The following EEA1 variants were observed in gnomAD, a reference collection of about 807,000 sequenced individuals.
The protein encoded by EEA1 is early endosome antigen 1.
Under a neutral mutation model 209.2 loss-of-function variants are expected in EEA1, and 111 were observed. The observed-to-expected ratio is 0.53, with a 90% CI of 0.45 to 0.62. EEA1 has a LOEUF of 0.62. EEA1 is among the 20% of genes least tolerant of loss of function. The pLI, the probability that EEA1 is intolerant of heterozygous loss-of-function variation, is 0.00. For missense variants in EEA1, 1,343 were observed against 1,530.8 expected (o/e 0.88, Z 2.05); for synonymous variants, 536 against 540.6 (o/e 0.99, Z 0.12).
chr12:92,819,894 A>C (rs898626450), intron 13 of EEA1, among the ~76,000 whole-genome samples: 5 of 152,074 alleles, frequency 3.3e-5, no homozygotes, highest in Non-Finnish European at 5.9e-5. Flanking sequence ...CTCTTCCCCC[A>C]CAGAGTCATA....
At chr12:92,820,010 G>A (rs1479742484) in intron 13 of EEA1, among the ~76,000 whole-genome samples, 5 of 151,922 alleles carry the variant, frequency 3.3e-5, no homozygotes, top group African/African-American at 9.7e-5. Context: ...TCCCTATCTT[G>A]GTTATCATTT....
At chr12:92,832,124 T>C (rs1039147461) in intron 11 of EEA1, among the ~76,000 whole-genome samples, 5 of 151,788 alleles carry the variant, frequency 3.3e-5, no homozygotes, top group Non-Finnish European at 7.4e-5. Context: ...ATCCAATTTG[T>C]ATGCTATTTG....
At chr12:92,816,770 T>C (rs1048310944) in intron 14 of EEA1, among the ~76,000 whole-genome samples, 1 of 152,186 alleles carries the variant, frequency 6.6e-6, no homozygotes, top group Admixed American at 6.5e-5. Flanking sequence ...TCTGCAGTCA[T>C]TCCTCCCATC....
chr12:92,806,942 A>ATTTTTTTTT (rs34717047), intron 18 of EEA1, among the ~76,000 whole-genome samples: 2 of 147,394 alleles, frequency 1.4e-5, no homozygotes, highest in African/African-American at 5.0e-5. Flanking sequence ...TTTTTTAATA[A>ATTTTTTTTT]TTTTTTTTTT....
chr12:92,880,050 T>C (rs1879069684), intron 2 of EEA1, among the ~76,000 whole-genome samples: 1 of 152,252 alleles, frequency 6.6e-6, no homozygotes, highest in African/African-American at 2.4e-5. Context: ...GTTCATTTTG[T>C]TCCCAAATGT....
intron 2 of EEA1, among the ~76,000 whole-genome samples, chr12:92,869,846 G>C (rs1878561728): frequency 6.9e-6 from 1 of 144,492 alleles, no homozygotes; most frequent in African/African-American, 2.6e-5. Context: ...ATTTTGGCTA[G>C]TCCATCAAGA....
chr12:92,884,048 G>A, intron 2 of EEA1: 1 of 1,374,608 alleles, frequency 7.3e-7, no homozygotes, highest in East Asian at 2.3e-5. Context: ...GCTGTCTCAA[G>A]AGAAGATTCT....
rs370129358 is a variant in EEA1, at chr12:92,855,387, G to A, written c.367-1433C>T. Among the ~76,000 whole-genome samples, 13 of 149,886 alleles carry A rather than the reference G, an allele frequency of 8.7e-5. No individual in the cohort carries two copies. The East Asian group carries it at 1.0e-3, about 12-fold the overall frequency. ...GGAGCTTGCAGTGAGCCGAGATCGCGCGCCACTGCACTCCAGCCTGGGTGA... is the reference window on the plus strand; with the variant it reads ...GGAGCTTGCAGTGAGCCGAGATCGCACGCCACTGCACTCCAGCCTGGGTGA... On this transcript the variant is annotated intron_variant, in intron 5 of 28. Coordinates refer to ENST00000322349, the MANE Select transcript of EEA1 (RefSeq NM_003566.4).
chr12:92,872,047 ATTTTTT>A (rs56671465), intron 2 of EEA1, among the ~76,000 whole-genome samples: 3 of 132,592 alleles, frequency 2.3e-5, no homozygotes, highest in Non-Finnish European at 3.2e-5. Flanking sequence ...GGCCCAGCTA[ATTTTTT>A]TTTTTTTTTT....
intron 15 of EEA1, among the ~76,000 whole-genome samples, chr12:92,814,537 A>T (rs1298932079): frequency 2.0e-5 from 3 of 146,388 alleles, no homozygotes; most frequent in Admixed American, 6.9e-5. Context: ...GCATATAAAG[A>T]AAGTTTGGGG....
intron 1 of EEA1, among the ~76,000 whole-genome samples, chr12:92,907,231 T>C (rs1012076948): frequency 6.6e-6 from 1 of 152,204 alleles, no homozygotes; most frequent in African/African-American, 2.4e-5. Context: ...TTGCTGAAAA[T>C]AATAAAACAC....
intron 1 of EEA1, among the ~76,000 whole-genome samples, chr12:92,909,813 C>T (rs550625642): frequency 7.9e-5 from 12 of 151,348 alleles, no homozygotes; most frequent in Admixed American, 4.6e-4. Flanking sequence ...GCTCAGGAGC[C>T]CAAGACCAGC....
At position 92,809,075 on chromosome 12, in the gene EEA1, T is replaced by G; in HGVS notation, c.2281A>C (p.Thr761Pro). 1 of 1,608,314 alleles carries G rather than the reference T, an allele frequency of 6.2e-7. No homozygotes were observed. The highest frequency in any genetic ancestry group is 8.5e-7 in the Non-Finnish European group (1 of 1,176,936). ...TCTGTGGCTCTGAGCTCTAAATCTG[T>G]GTTCAGCTGTCTTTGCTGTTGTAGA... Reference protein sequence around the residue: ...QDLQQQRQLNTDLELRATELS... With the variant: ...QDLQQQRQLNPDLELRATELS... The change falls in exon 18 of 29, where the codon ACA becomes CCA. Residue 761 changes from threonine (T) to proline (P), a missense_variant. Physicochemically the swap from Thr to Pro is conservative, Grantham distance 38 (BLOSUM62 -1). Transcript: ENST00000322349.
intron 10 of EEA1, among the ~76,000 whole-genome samples, chr12:92,841,965 T>G (rs1467946105): frequency 1.3e-5 from 2 of 152,206 alleles, no homozygotes; most frequent in Non-Finnish European, 2.9e-5. Flanking sequence ...GCAATCCAAG[T>G]GTCTATCAGC....
chr12:92,908,884 T>C (rs2136774374), intron 1 of EEA1, among the ~76,000 whole-genome samples: 1 of 152,266 alleles, frequency 6.6e-6, no homozygotes, highest in South Asian at 2.1e-4. Flanking sequence ...AGTGCAGTGG[T>C]ACAATCTCAG....
In EEA1 at chr12:92,870,989, G is replaced by A. The variant is rs189081886; in HGVS notation, c.118-6002C>T. ...CTCCCAAAGTGCTAGGATTACAGGC[G>A]TGAGCCACAGTGCCCAGCCTCAAAG... On this transcript the variant is annotated intron_variant, in intron 2 of 28. Transcript: ENST00000322349. Among the ~76,000 whole-genome samples, 795 of 152,246 alleles carry A rather than the reference G, an allele frequency of 5.2e-3. 8 individuals carry two copies. Among genetic ancestry groups the A allele is most frequent in the Middle Eastern group, 0.017 (5 of 294 alleles).
intron 10 of EEA1, among the ~76,000 whole-genome samples, chr12:92,833,885 C>A (rs537051510): frequency 6.6e-6 from 1 of 152,182 alleles, no homozygotes; most frequent in South Asian, 2.1e-4. Context: ...TCTTAAGGCA[C>A]AATTTTTTTA....
intron 22 of EEA1, among the ~76,000 whole-genome samples, chr12:92,783,713 A>G (rs1874006107): frequency 6.6e-6 from 1 of 152,118 alleles, no homozygotes; most frequent in South Asian, 2.1e-4. Context: ...ACAGGTAGAT[A>G]ATGGGTATGG....
intron 17 of EEA1, among the ~76,000 whole-genome samples, chr12:92,810,377 C>A (rs2136674114): frequency 6.6e-6 from 1 of 152,208 alleles, no homozygotes; most frequent in African/African-American, 2.4e-5. Flanking sequence ...AAAGAATTCT[C>A]ATTAGACACT....
Sources: allele counts gnomAD v4.1 joint callset (sites outside exome capture counted in the v4.1 genomes callset), GRCh38; gene constraint gnomAD v4.1.1; transcripts MANE v1.5; gene names NCBI Gene and HGNC (gene_info 2026-07-23, HGNC 2026-07-21).